ST6GAL1: variants seen among roughly 807,000 people sequenced by gnomAD.
ST6GAL1 encodes the protein ST6 beta-galactoside alpha-2,6-sialyltransferase 1.
Under a neutral mutation model 38.0 loss-of-function variants are expected in ST6GAL1, and 20 were observed. The observed-to-expected ratio is 0.53, with a 90% CI of 0.37 to 0.77. ST6GAL1 has a LOEUF of 0.77. Ranked by LOEUF, ST6GAL1 falls within the 30% of genes least tolerant of loss-of-function variation. ST6GAL1 has a pLI of 0.00. For synonymous variants in ST6GAL1, 196 were observed against 188.2 expected (o/e 1.04, Z -0.34); for missense variants, 432 against 496.4 (o/e 0.87, Z 1.23).
chr3:187,063,699 C>T (rs9833709), intron 5 of ST6GAL1, among the ~76,000 whole-genome samples: 10,625 of 152,000 alleles, frequency 0.07, 1,240 homozygotes, highest in African/African-American at 0.24. Context: ...CTGTGAAGAA[C>T]GAAACCCCAG....
Position 187,059,560 on chromosome 3 carries a change from T to G in ST6GAL1, c.705+8214T>G, listed in dbSNP as rs1030797873. Among the ~76,000 whole-genome samples the G allele has an allele frequency of 4.6e-5, 7 of 152,344 alleles. No individual in the cohort carries two copies. The South Asian group carries it at 1.4e-3, about 32-fold the overall frequency. ...TGTGGCAGTCAGTACATAAACTCTA[T>G]AGTTAGCCTGCTTGGGGTTGAAATC... On this transcript the variant is annotated intron_variant, in intron 5 of 7. Transcript: ENST00000169298.
intron 2 of ST6GAL1, among the ~76,000 whole-genome samples, chr3:187,022,719 CT>C (rs1560165977): frequency 6.6e-6 from 1 of 152,192 alleles, no homozygotes; most frequent in Non-Finnish European, 1.5e-5. Flanking sequence ...CAAAGGCTGT[CT>C]GGCAGCCTTT....
intron 2 of ST6GAL1, chr3:187,022,078 A>G (rs1579328995): frequency 6.6e-6 from 1 of 152,254 alleles, no homozygotes; most frequent in Non-Finnish European, 1.5e-5. Context: ...GGGGAACCCC[A>G]ATGGAAGCTG....
Position 187,042,773 on chromosome 3 carries a change from T to C in ST6GAL1, c.70T>C (p.Cys24Arg), listed in dbSNP as rs1367190687. 1.2e-6 allele frequency: 2 copies of C among 1,614,222 alleles called. No homozygotes were observed. ...GGTCTTTCTTCTGTTTGCAGTCATC[T>C]GTGTGTGGAAGGAAAAGAAGAAAGG... ...VLVFLLFAVI[C>R]VWKEKKKGSY... The change falls in exon 4 of 8, where the codon TGT becomes CGT. Residue 24 changes from cysteine to arginine, a missense_variant. Coordinates refer to ENST00000169298, the MANE Select transcript of ST6GAL1 (RefSeq NM_173216.2).
chr3:187,073,238 A>G (rs915009993), intron 6 of ST6GAL1, among the ~76,000 whole-genome samples: 2 of 152,192 alleles, frequency 1.3e-5, no homozygotes, highest in African/African-American at 4.8e-5. Flanking sequence ...TCATTAATGC[A>G]ATTATTCGTG....
chr3:186,974,153 A>C (rs1265541052), intron 2 of ST6GAL1, among the ~76,000 whole-genome samples: 4 of 152,142 alleles, frequency 2.6e-5, no homozygotes, highest in Non-Finnish European at 5.9e-5. Context: ...CCAGTGTGGA[A>C]GATTCAGTAG....
chr3:186,991,125 GC>G (rs1206402070), intron 2 of ST6GAL1, among the ~76,000 whole-genome samples: 1 of 152,148 alleles, frequency 6.6e-6, no homozygotes, highest in Non-Finnish European at 1.5e-5. Flanking sequence ...ATAGCACCTG[GC>G]TAGTTGCCTT....
intron 3 of ST6GAL1, among the ~76,000 whole-genome samples, chr3:187,041,179 T>C (rs777383138): frequency 2.6e-5 from 4 of 152,212 alleles, no homozygotes; most frequent in Non-Finnish European, 2.9e-5. Flanking sequence ...GCAAATCACA[T>C]AGGGCAGAGA....
intron 1 of ST6GAL1, among the ~76,000 whole-genome samples, chr3:186,959,292 G>A: frequency 6.6e-6 from 1 of 152,130 alleles, no homozygotes; most frequent in Non-Finnish European, 1.5e-5. Flanking sequence ...TCTTGGCCTA[G>A]CACTAAAGGG....
chr3:186,932,184 TTGAAAAGGTCTAGAG>T (rs1713782570), intron 1 of ST6GAL1, among the ~76,000 whole-genome samples: 1 of 152,212 alleles, frequency 6.6e-6, no homozygotes, highest in Admixed American at 6.5e-5. Context: ...TCCGCTGTTA[TTGAAAAGGTCTAGAG>T]AGCATCTAGG....
At chr3:186,961,825 G>A (rs577144564) in intron 1 of ST6GAL1, among the ~76,000 whole-genome samples, 5 of 152,306 alleles carry the variant, frequency 3.3e-5, no homozygotes, top group African/African-American at 1.2e-4. Context: ...GAGATGGAGA[G>A]TGGAGTCTTC....
At chr3:187,019,861 C>T (rs1717236790) in intron 2 of ST6GAL1, among the ~76,000 whole-genome samples, 1 of 152,130 alleles carries the variant, frequency 6.6e-6, no homozygotes, top group Non-Finnish European at 1.5e-5. Context: ...AAGATCAGGG[C>T]AGAGTAAATA....
At chr3:187,025,160 G>T (rs564078748) in intron 2 of ST6GAL1, among the ~76,000 whole-genome samples, 1 of 152,200 alleles carries the variant, frequency 6.6e-6, no homozygotes, top group South Asian at 2.1e-4. Context: ...GCATACAATG[G>T]AGGTCTTAGG....
At position 187,035,825 on chromosome 3, in the gene ST6GAL1, CATTCT is replaced by C. The variant is rs1560170543; in HGVS notation, c.-182-2916_-182-2912del. Among the ~76,000 whole-genome samples, 1,506 of 151,820 alleles carry C rather than the reference CATTCT, an allele frequency of 9.9e-3. 31 individuals are homozygous for C. Among genetic ancestry groups the C allele is most frequent in the African/African-American group, 0.034 (1,406 of 41,360 alleles). ...TCCTGGAAGAAAACCTAGGAAACAC[CATTCT>C]GGACATCAACCTTGGGAAAGGATTT... On this transcript the variant is annotated intron_variant, in intron 2 of 7. Coordinates refer to ENST00000169298, the MANE Select transcript of ST6GAL1 (RefSeq NM_173216.2).
chr3:187,048,206 G>C (rs537401648), intron 4 of ST6GAL1, among the ~76,000 whole-genome samples: 7 of 152,156 alleles, frequency 4.6e-5, no homozygotes, highest in Non-Finnish European at 8.8e-5. Context: ...GCCTCCCAAA[G>C]TGCTGGGATT....
intron 2 of ST6GAL1, among the ~76,000 whole-genome samples, chr3:187,007,135 A>AT (rs1716809232): frequency 6.6e-6 from 1 of 152,248 alleles, no homozygotes; most frequent in Non-Finnish European, 1.5e-5. Flanking sequence ...AACTTGAACA[A>AT]TGACTCACGA....
chr3:186,943,531 C>A (rs1340866052), intron 1 of ST6GAL1, among the ~76,000 whole-genome samples: 5 of 152,076 alleles, frequency 3.3e-5, no homozygotes, highest in Admixed American at 1.3e-4. Flanking sequence ...CTCACTGCAA[C>A]CTCCGCCTCC....
chr3:187,022,488 C>G (rs1717361880), intron 2 of ST6GAL1, among the ~76,000 whole-genome samples: 1 of 152,044 alleles, frequency 6.6e-6, no homozygotes, highest in Admixed American at 6.6e-5. Flanking sequence ...GGAAGGAATG[C>G]CTGAGTAAGA....
chr3:187,074,502 A>G (rs977566353), intron 7 of ST6GAL1, among the ~76,000 whole-genome samples, 169 bp downstream of exon 7: 13 of 152,222 alleles, frequency 8.5e-5, no homozygotes. Context: ...ACAGAGGGAA[A>G]TCAGATAGAA....
Sources: gnomAD v4.1 joint callset for allele counts (sites outside exome capture counted in the v4.1 genomes callset) on GRCh38, gnomAD v4.1.1 for gene constraint, MANE v1.5 for transcripts, NCBI Gene and HGNC (gene_info 2026-07-23, HGNC 2026-07-21) for gene names.